The following PCDHA2 variants were observed in gnomAD, a reference collection of about 807,000 sequenced individuals.
PCDHA2 encodes the protein protocadherin alpha-2.
PCDHA2 carries 58 observed loss-of-function variants against 66.0 expected under a neutral mutation model. The ratio of observed to expected loss-of-function variants is 0.88; its 90% confidence interval spans 0.71 to 1.09. The LOEUF (loss-of-function observed/expected upper bound fraction) is 1.09, where lower values mean the gene tolerates loss of function less well. PCDHA2 is among the 50% of genes least tolerant of loss of function. PCDHA2 has a pLI of 0.00. For synonymous variants in PCDHA2, 634 were observed against 554.0 expected, an observed-to-expected ratio of 1.14 and a Z score of -2.03; for missense variants, 1,267 against 1,242.3, an observed-to-expected ratio of 1.02 and a Z score of -0.30.
At position 140,870,626 on chromosome 5, in the gene PCDHA2, C is replaced by T. The variant is rs782773688; in HGVS notation, c.2388+73274C>T. 61 of 1,612,898 alleles carry T rather than the reference C, an allele frequency of 3.8e-5. No homozygotes were observed. Among genetic ancestry groups the T allele is most frequent in the Non-Finnish European group, 5.0e-5 (59 of 1,179,802 alleles). Reference sequence around the variant, plus strand: ...GACCGCGCGCTGTCGAGCTACGTGTCGGTGCACGCGGAGAGCGGCAAGGTG... The same window carrying T: ...GACCGCGCGCTGTCGAGCTACGTGTTGGTGCACGCGGAGAGCGGCAAGGTG... On this transcript the variant is annotated intron_variant, in intron 1 of 3. Transcript: ENST00000526136.
intron 1 of PCDHA2, chr5:140,857,971 G>A: frequency 6.3e-7 from 1 of 1,596,806 alleles, no homozygotes; most frequent in Non-Finnish European, 8.6e-7. Flanking sequence ...AGACTGACTC[G>A]CCACGCCAGC....
At chr5:140,808,627 G>A (rs1206477664) in intron 1 of PCDHA2, 13 of 1,613,504 alleles carry the variant, frequency 8.1e-6, no homozygotes, top group East Asian at 2.2e-5. Flanking sequence ...TGTCTGCGTG[G>A]GACGCGGACG....
intron 1 of PCDHA2, among the ~76,000 whole-genome samples, chr5:140,890,597 G>A (rs527637387): frequency 2.6e-5 from 4 of 152,002 alleles, no homozygotes; most frequent in African/African-American, 4.8e-5. Flanking sequence ...GCCCTTTTCC[G>A]AATAGCTAGT....
At chr5:140,879,257 G>A (rs782639090) in intron 1 of PCDHA2, among the ~76,000 whole-genome samples, 3 of 152,202 alleles carry the variant, frequency 2.0e-5, no homozygotes, top group Non-Finnish European at 4.4e-5. Flanking sequence ...AGTAGAAGCA[G>A]CCAGATAATG....
chr5:140,926,068 G>A (rs2082901302), intron 1 of PCDHA2, among the ~76,000 whole-genome samples: 1 of 152,168 alleles, frequency 6.6e-6, no homozygotes, highest in African/African-American at 2.4e-5. Context: ...CCTCCTTGTC[G>A]TCTCTATTGC....
Position 140,846,464 on chromosome 5 carries a change from T to G in PCDHA2, c.2388+49112T>G, listed in dbSNP as rs2150391195. Among the ~76,000 whole-genome samples, 4 of 138,432 alleles carry G rather than the reference T, an allele frequency of 2.9e-5. No homozygotes were observed. In the South Asian group the frequency reaches 1.0e-3, roughly 35 times the overall value. The allele number at this position is 138,432 out of a possible 152,430, so 90.8% of individuals were successfully genotyped here. On this transcript the variant is annotated intron_variant, in intron 1 of 3. Transcript: ENST00000526136. ...ATCTCGGCTCACTGCAACCTCTGCC[T>G]CCCGGGTTCAAATGATTCTCCTTCC...
At chr5:140,849,606 C>A (rs2150442387) in intron 1 of PCDHA2, 1 of 1,598,692 alleles carries the variant, frequency 6.3e-7, no homozygotes, top group East Asian at 2.2e-5. Context: ...AGTTATTGCC[C>A]TGATTAGTGT....
intron 1 of PCDHA2, chr5:140,808,430 C>G (rs782400993): frequency 8.1e-6 from 13 of 1,614,128 alleles, no homozygotes; most frequent in Non-Finnish European, 1.0e-5. Flanking sequence ...TGCCCTGGAC[C>G]GCGAGAGCGT....
intron 1 of PCDHA2, among the ~76,000 whole-genome samples, chr5:140,977,051 G>T (rs2096743579): frequency 6.6e-6 from 1 of 152,178 alleles, no homozygotes; most frequent in South Asian, 2.1e-4. Flanking sequence ...GTTGCTGATG[G>T]ACTAGTATAG....
Position 140,946,631 on chromosome 5 carries a change from T to TATATACAC in PCDHA2, c.2389-32317_2389-32316insTATACACA, listed in dbSNP as rs57893927. Among the ~76,000 whole-genome samples, 48 of 131,820 alleles carry TATATACAC rather than the reference T, an allele frequency of 3.6e-4. 1 individual carries two copies. Among genetic ancestry groups the TATATACAC allele is most frequent in the South Asian group, 8.9e-4 (4 of 4,516 alleles). The allele number at this position is 131,820 out of a possible 152,430, so 86.5% of individuals were successfully genotyped here. A position where few individuals can be genotyped will look rare whatever the true frequency, so the allele number is the denominator to read the frequency against. ...TGTGAAATATATATATATATATATA[T>TATATACAC]ACAATGGAATACTCATCAGCCATTA... is the stretch of plus-strand genomic sequence containing the variant. On this transcript the variant is annotated intron_variant, in intron 1 of 3. Coordinates refer to ENST00000526136, the MANE Select transcript of PCDHA2 (RefSeq NM_018905.3).
chr5:140,848,693 G>A, intron 1 of PCDHA2: 1 of 1,592,386 alleles, frequency 6.3e-7, no homozygotes, highest in Non-Finnish European at 8.6e-7. Flanking sequence ...TGTTCCAGTT[G>A]GATTCCAAAG....
chr5:140,830,610 TTTA>T lies in PCDHA2; in HGVS notation c.2388+33261_2388+33263del, dbSNP rs1771162237. 8.1e-6 allele frequency: 5 copies of T among 618,590 alleles called. No homozygotes were observed. In the East Asian group the frequency reaches 1.0e-4, roughly 13 times the overall value. The allele number at this position is 618,590 out of a possible 1,614,324, so 38.3% of individuals were successfully genotyped here. On this transcript the variant is annotated intron_variant, in intron 1 of 3. Transcript: ENST00000526136. ...ATTTTACAAAATTACATATTTTCAT[TTTA>T]TTGTGTTTCTTATTTTAATCTCTTT...
At chr5:140,900,429 C>A (rs1202126306) in intron 1 of PCDHA2, among the ~76,000 whole-genome samples, 1 of 152,174 alleles carries the variant, frequency 6.6e-6, no homozygotes, top group East Asian at 1.9e-4. Context: ...AGGCACGTGC[C>A]ACCACGGCCG....
At chr5:140,806,920 T>A (rs1204868213) in intron 1 of PCDHA2, 4 of 504,194 alleles carry the variant, frequency 7.9e-6, no homozygotes, top group Admixed American at 3.7e-5. Flanking sequence ...AAATAATAAA[T>A]AAAACCAAGT....
intron 1 of PCDHA2, chr5:140,835,718 G>T (rs2150242992): frequency 1.9e-6 from 3 of 1,613,908 alleles, no homozygotes; most frequent in South Asian, 1.1e-5. Context: ...CCGTGGAGGT[G>T]GCCGACGTGA....
chr5:140,824,626 T>G (rs2150135985), intron 1 of PCDHA2: 1 of 133,454 alleles, frequency 7.5e-6, no homozygotes, highest in South Asian at 2.3e-4. Context: ...TTTTTTTTTT[T>G]TTTTTTATTT....
In PCDHA2 at chr5:140,803,192, G is replaced by T. The variant is rs17844262; in HGVS notation, c.2388+5840G>T. 5.9e-4 allele frequency: 947 copies of T among 1,613,932 alleles called. 13 individuals carry two copies. In the East Asian group the frequency reaches 0.018, roughly 31 times the overall value. On this transcript the variant is annotated intron_variant, in intron 1 of 3. Transcript: ENST00000526136. ...CCTCATTGACCGCCACGGCCACTGTGCTGGTGTCGCTGGTGGAGAGTGGCC... is the reference window on the plus strand; with the variant it reads ...CCTCATTGACCGCCACGGCCACTGTTCTGGTGTCGCTGGTGGAGAGTGGCC...
At chr5:140,911,151 G>A (rs2075350899) in intron 1 of PCDHA2, among the ~76,000 whole-genome samples, 1 of 152,174 alleles carries the variant, frequency 6.6e-6, no homozygotes, top group South Asian at 2.1e-4. Context: ...TTTCTCCTCA[G>A]ACAAATGTGG....
chr5:140,827,605 G>A (rs1440569853), intron 1 of PCDHA2, among the ~76,000 whole-genome samples: 1 of 152,210 alleles, frequency 6.6e-6, no homozygotes, highest in Non-Finnish European at 1.5e-5. Flanking sequence ...ATGTGGGCAA[G>A]TTTCTTTTCT....
Sources: allele counts gnomAD v4.1 joint callset (sites outside exome capture counted in the v4.1 genomes callset), GRCh38; gene constraint gnomAD v4.1.1; transcripts MANE v1.5; gene names NCBI Gene and HGNC (gene_info 2026-07-23, HGNC 2026-07-21).